SGCZ: variants seen among roughly 807,000 people sequenced by gnomAD.
SGCZ encodes the protein zeta-sarcoglycan.
Under a neutral mutation model 41.3 loss-of-function variants are expected in SGCZ, and 40 were observed. The observed-to-expected ratio is 0.97, with a 90% confidence interval of 0.75 to 1.26. The LOEUF (loss-of-function observed/expected upper bound fraction) is 1.26. SGCZ is among the 50% of genes most tolerant of loss of function. SGCZ has a pLI of 0.00. For synonymous variants in SGCZ, 206 were observed against 137.5 expected (o/e 1.50, Z -3.49); for missense variants, 552 against 369.8 (o/e 1.49, Z -4.04).
At chr8:14,467,024 T>C (rs925906009) in intron 2 of SGCZ, among the ~76,000 whole-genome samples, 1 of 151,870 alleles carries the variant, frequency 6.6e-6, no homozygotes, top group Non-Finnish European at 1.5e-5. Flanking sequence ...CTTTAGATTC[T>C]CCTCACTTCC....
At chr8:14,389,915 C>A (rs11203601) in intron 2 of SGCZ, among the ~76,000 whole-genome samples, 53,059 of 151,752 alleles carry the variant, frequency 0.35, 10,296 homozygotes, top group African/African-American at 0.53. Context: ...CAGAACTTCT[C>A]ACAGTATGAA....
intron 1 of SGCZ, among the ~76,000 whole-genome samples, chr8:14,785,232 T>C (rs111898504): frequency 3.4e-4 from 52 of 151,864 alleles, no homozygotes; most frequent in African/African-American, 1.2e-3. Flanking sequence ...TTTGATACAA[T>C]ATTTCTACTA....
intron 3 of SGCZ, among the ~76,000 whole-genome samples, chr8:14,280,685 G>T (rs1022637313): frequency 2.6e-5 from 4 of 151,736 alleles, no homozygotes; most frequent in Non-Finnish European, 5.9e-5. Flanking sequence ...TTATCTTGTG[G>T]TGAGAAAAAT....
intron 1 of SGCZ, among the ~76,000 whole-genome samples, chr8:14,771,784 AC>A: frequency 6.6e-6 from 1 of 152,222 alleles, no homozygotes; most frequent in African/African-American, 2.4e-5. Flanking sequence ...CAGTATTTCA[AC>A]CCAAAGATAC....
chr8:14,471,271 C>G (rs1801206109), intron 2 of SGCZ, among the ~76,000 whole-genome samples: 1 of 152,060 alleles, frequency 6.6e-6, no homozygotes, highest in African/African-American at 2.4e-5. Flanking sequence ...GTAGTGTACT[C>G]ATTATCACAT....
intron 1 of SGCZ, among the ~76,000 whole-genome samples, chr8:14,925,662 A>G (rs1332997931): frequency 1.3e-5 from 2 of 152,208 alleles, no homozygotes; most frequent in East Asian, 3.9e-4. Context: ...GAAGCATCCT[A>G]TGCCAGATCC....
intron 1 of SGCZ, among the ~76,000 whole-genome samples, chr8:15,051,590 G>C (rs1804515525): frequency 6.6e-6 from 1 of 151,942 alleles, no homozygotes; most frequent in African/African-American, 2.4e-5. Context: ...TACTGACAGA[G>C]TTTTCCAAAG....
chr8:14,706,799 C>A (rs1256784009), intron 1 of SGCZ, among the ~76,000 whole-genome samples: 1 of 152,036 alleles, frequency 6.6e-6, no homozygotes, highest in African/African-American at 2.4e-5. Flanking sequence ...CAATATTATA[C>A]TTTTACCAGC....
At chr8:14,824,140 G>A (rs2130577966) in intron 1 of SGCZ, among the ~76,000 whole-genome samples, 1 of 152,200 alleles carries the variant, frequency 6.6e-6, no homozygotes, top group Non-Finnish European at 1.5e-5. Context: ...GAGAGAAACA[G>A]ACTTACAAAT....
intron 2 of SGCZ, among the ~76,000 whole-genome samples, chr8:14,461,107 T>C (rs35792595): frequency 6.6e-6 from 1 of 151,908 alleles, no homozygotes; most frequent in Admixed American, 6.6e-5. Context: ...CAGAATGCTA[T>C]CCTCATCCAA....
intron 1 of SGCZ, among the ~76,000 whole-genome samples, chr8:14,737,486 A>G (rs779100773): frequency 6.6e-6 from 1 of 152,106 alleles, no homozygotes; most frequent in Non-Finnish European, 1.5e-5. Context: ...CTTCGTGCTT[A>G]TGTCTCAAGC....
At chr8:15,222,644 G>T (rs2117187960) in intron 1 of SGCZ, among the ~76,000 whole-genome samples, 1 of 152,228 alleles carries the variant, frequency 6.6e-6, no homozygotes, top group East Asian at 1.9e-4. Flanking sequence ...ATATTTATGA[G>T]AGTTTTTGTT....
At chr8:15,216,403 G>C (rs536229370) in intron 1 of SGCZ, among the ~76,000 whole-genome samples, 2 of 151,770 alleles carry the variant, frequency 1.3e-5, no homozygotes, top group Admixed American at 6.6e-5. Context: ...TATATTTTTA[G>C]TAGAGACGGA....
intron 2 of SGCZ, among the ~76,000 whole-genome samples, chr8:14,401,900 A>T (rs1799087273): frequency 6.6e-6 from 1 of 150,458 alleles, no homozygotes; most frequent in South Asian, 2.1e-4. Context: ...TTACAGTCCC[A>T]CCAACAGTGT....
chr8:14,825,989 C>G (rs1256966280), intron 1 of SGCZ, among the ~76,000 whole-genome samples: 1 of 151,704 alleles, frequency 6.6e-6, no homozygotes, highest in Admixed American at 6.6e-5. Context: ...GCACAATGTG[C>G]AGGTTTGTTA....
At chr8:15,219,538 T>C (rs974302725) in intron 1 of SGCZ, among the ~76,000 whole-genome samples, 3 of 152,210 alleles carry the variant, frequency 2.0e-5, no homozygotes, top group Non-Finnish European at 4.4e-5. Context: ...GGGAATTTCA[T>C]CCCAGACTAT....
chr8:14,154,472 C>A (rs528009899), intron 5 of SGCZ, among the ~76,000 whole-genome samples: 2 of 152,126 alleles, frequency 1.3e-5, no homozygotes, highest in Non-Finnish European at 2.9e-5. Context: ...CTAAGCTGAT[C>A]GAGACACATG....
chr8:14,559,778 C>G (rs1236982488), intron 1 of SGCZ, among the ~76,000 whole-genome samples: 2 of 151,996 alleles, frequency 1.3e-5, no homozygotes, highest in Non-Finnish European at 2.9e-5. Context: ...ATTGGAAACG[C>G]TGATAACGGT....
At position 15,013,850 on chromosome 8, in the gene SGCZ, TG is replaced by T. The variant is rs1231461072; in HGVS notation, c.39+223734del. ...AAGAAAACAGCAAACGAGGCATGTT[TG>T]TGGGAAGCATAGAGACAAAGCAGTT... On this transcript the variant is annotated intron_variant, in intron 1 of 7. Transcript: ENST00000382080. Among the ~76,000 whole-genome samples, 4 of 152,342 alleles carry T rather than the reference TG, an allele frequency of 2.6e-5. No individual in the cohort carries two copies. In the South Asian group the frequency reaches 8.3e-4, roughly 32 times the overall value.
Sources: allele counts gnomAD v4.1 joint callset (sites outside exome capture counted in the v4.1 genomes callset), GRCh38; gene constraint gnomAD v4.1.1; transcripts MANE v1.5; gene names NCBI Gene and HGNC (gene_info 2026-07-23, HGNC 2026-07-21).